TMEM74: variants seen among roughly 807,000 people sequenced by gnomAD.
TMEM74 encodes transmembrane protein 74.
TMEM74 carries 13 observed loss-of-function variants against 18.1 expected under a neutral mutation model. The observed-to-expected ratio is 0.72, with a 90% CI of 0.47 to 1.14. The LOEUF is 1.14. Ranked by LOEUF, TMEM74 falls within the 50% of genes most tolerant of loss-of-function variation. The pLI is 0.00. For missense variants in TMEM74, 372 were observed against 375.9 expected (o/e 0.99, Z 0.09); for synonymous variants, 159 against 146.6 (o/e 1.08, Z -0.61).
chr8:108,749,431 A>T (rs3019367), intron 1 of TMEM74, among the ~76,000 whole-genome samples: 59,857 of 151,936 alleles, frequency 0.39, 12,374 homozygotes, highest in African/African-American at 0.52. Flanking sequence ...GGGAGTTCAT[A>T]CATGATTTGG....
intron 1 of TMEM74, among the ~76,000 whole-genome samples, chr8:108,768,020 A>C (rs1298897679): frequency 6.6e-6 from 1 of 152,148 alleles, no homozygotes. Context: ...AAAACTCTGG[A>C]TCCCAATTTT....
chr8:108,786,938 CG>C (rs1177784020), intron 1 of TMEM74, among the ~76,000 whole-genome samples: 4 of 152,152 alleles, frequency 2.6e-5, no homozygotes, highest in Admixed American at 2.0e-4. Flanking sequence ...CTTGTTCTAC[CG>C]GAGGTATGCT....
intron 1 of TMEM74, among the ~76,000 whole-genome samples, chr8:108,760,549 G>A (rs1814032546): frequency 6.6e-6 from 1 of 151,990 alleles, no homozygotes; most frequent in Non-Finnish European, 1.5e-5. Context: ...TTCTTGCTCT[G>A]ACTGCAACAT....
At chr8:108,622,598 A>G (rs1316353044) in intron 2 of TMEM74, among the ~76,000 whole-genome samples, 1 of 152,024 alleles carries the variant, frequency 6.6e-6, no homozygotes, top group Non-Finnish European at 1.5e-5. Flanking sequence ...TGAACTCATT[A>G]TGTTATATGC....
At chr8:108,623,988 A>T (rs1018043586) in intron 2 of TMEM74, among the ~76,000 whole-genome samples, 1 of 152,106 alleles carries the variant, frequency 6.6e-6, no homozygotes, top group Admixed American at 6.6e-5. Flanking sequence ...TTTGGGAGAC[A>T]TAATAAGATT....
chr8:108,608,171 G>A (rs1812297199), intron 3 of TMEM74, among the ~76,000 whole-genome samples: 2 of 151,852 alleles, frequency 1.3e-5, no homozygotes, highest in Admixed American at 1.3e-4. Context: ...GCATGGTGGT[G>A]CGTGCCTGTA....
At position 108,784,381 on chromosome 8, in the gene TMEM74, T is replaced by A. The variant is rs1477051945; in HGVS notation, c.718A>T (p.Thr240Ser). Residue 240 changes from threonine (T) to serine (S), a missense_variant, in exon 2 of 2, where the codon ACG becomes TCG. Thr to Ser is a moderately conservative substitution (Grantham distance 58). Transcript: ENST00000297459. ...CAGGACAGGATGACGCCCCCCAGCGTGAGGAGGCAGAGCCCCGCAATCACA... is the reference window on the plus strand; with the variant it reads ...CAGGACAGGATGACGCCCCCCAGCGAGAGGAGGCAGAGCCCCGCAATCACA... Reference protein sequence around the residue: ...RCVIAGLCLLTLGGVILSCLL... With the variant: ...RCVIAGLCLLSLGGVILSCLL... 2 of 1,614,004 alleles carry A rather than the reference T, an allele frequency of 1.2e-6. No individual in the cohort carries two copies. Among genetic ancestry groups the A allele is most frequent in the Non-Finnish European group, 1.7e-6 (2 of 1,180,006 alleles).
chr8:108,693,380 C>T (rs758421401), intron 1 of TMEM74, among the ~76,000 whole-genome samples: 5 of 152,152 alleles, frequency 3.3e-5, no homozygotes, highest in Non-Finnish European at 5.9e-5. Context: ...AGTGGCCTGG[C>T]ATACACTCAA....
chr8:108,757,236 A>G (rs1231573822), intron 1 of TMEM74, among the ~76,000 whole-genome samples: 1 of 152,070 alleles, frequency 6.6e-6, no homozygotes, highest in Non-Finnish European at 1.5e-5. Flanking sequence ...AAGAACAGTA[A>G]TGCTAGATTA....
At chr8:108,664,110 T>C (rs192641927) in intron 1 of TMEM74, among the ~76,000 whole-genome samples, 1 of 152,276 alleles carries the variant, frequency 6.6e-6, no homozygotes, top group East Asian at 1.9e-4. Flanking sequence ...ACCCTAGAAC[T>C]TAAAAGTTGA....
At chr8:108,608,134 G>A (rs1230364660) in intron 3 of TMEM74, among the ~76,000 whole-genome samples, 2 of 151,546 alleles carry the variant, frequency 1.3e-5, no homozygotes, top group Admixed American at 6.6e-5. Context: ...AAACTCCATC[G>A]CTACTAAAAA....
intron 1 of TMEM74, among the ~76,000 whole-genome samples, chr8:108,746,008 AGGAATTGCTCACTCGG>A (rs1813845167): frequency 6.6e-6 from 1 of 152,166 alleles, no homozygotes; most frequent in Admixed American, 6.6e-5. Context: ...TAAAAGGGAC[AGGAATTGCTCACTCGG>A]GGAGCTTGGC....
chr8:108,670,119 A>C (rs1463841043), intron 1 of TMEM74, among the ~76,000 whole-genome samples: 1 of 151,196 alleles, frequency 6.6e-6, no homozygotes, highest in African/African-American at 2.4e-5. Context: ...CAGGAAAACT[A>C]TTCATAGTAT....
At chr8:108,786,251 G>T (rs905362361) in intron 1 of TMEM74, among the ~76,000 whole-genome samples, 5 of 152,216 alleles carry the variant, frequency 3.3e-5, no homozygotes, top group Non-Finnish European at 7.3e-5. Context: ...TTCTGGGAGA[G>T]AACTTTGGTT....
intron 1 of TMEM74, among the ~76,000 whole-genome samples, chr8:108,727,778 C>T (rs1586275411): frequency 6.6e-6 from 1 of 151,980 alleles, no homozygotes. Flanking sequence ...TAGAAATGGA[C>T]CAAAGAGTAA....
chr8:108,633,523 T>C (rs1307714167), intron 2 of TMEM74, among the ~76,000 whole-genome samples: 2 of 152,150 alleles, frequency 1.3e-5, no homozygotes, highest in East Asian at 3.9e-4. Context: ...CCACAATGAA[T>C]ATAACATTAT....
intron 2 of TMEM74, among the ~76,000 whole-genome samples, chr8:108,653,934 C>T (rs900400870): frequency 3.3e-5 from 5 of 151,862 alleles, no homozygotes; most frequent in African/African-American, 4.8e-5. Context: ...GGAATTTTGT[C>T]GTGTTTGTAT....
intron 1 of TMEM74, among the ~76,000 whole-genome samples, chr8:108,713,498 T>A (rs970990243): frequency 3.3e-5 from 5 of 152,230 alleles, no homozygotes; most frequent in African/African-American, 9.6e-5. Flanking sequence ...GCTGTTGGAA[T>A]ACAGTGGTGA....
chr8:108,641,834 G>A (rs1229360146), intron 2 of TMEM74, among the ~76,000 whole-genome samples: 3 of 152,100 alleles, frequency 2.0e-5, no homozygotes, highest in Admixed American at 1.3e-4. Context: ...TCATTAAGGG[G>A]CTTCATAAAC....
Sources: allele counts gnomAD v4.1 joint callset (sites outside exome capture counted in the v4.1 genomes callset), GRCh38; gene constraint gnomAD v4.1.1; transcripts MANE v1.5; gene names NCBI Gene and HGNC (gene_info 2026-07-23, HGNC 2026-07-21).